ATP8A1: variants seen among roughly 807,000 people sequenced by gnomAD.
ATP8A1 encodes the protein ATPase phospholipid transporting 8A1, also known as phospholipid-transporting ATPase IA.
Under a neutral mutation model 177.7 loss-of-function variants are expected in ATP8A1, and 90 were observed. The observed-to-expected ratio is 0.51, with a 90% CI of 0.43 to 0.60. ATP8A1 has a LOEUF of 0.60. Among genes scored for constraint, ATP8A1 ranks in the 20% least tolerant of loss-of-function variants. The pLI is 0.00. For synonymous variants in ATP8A1, 493 were observed against 485.9 expected (o/e 1.01, Z -0.19); for missense variants, 1,072 against 1,392.8 (o/e 0.77, Z 3.67).
rs1359410225 is a variant in ATP8A1 at position 42,411,154 on chromosome 4, T to C, written c.*1762A>G. The C allele has an allele frequency of 1.3e-5, 2 of 152,204 alleles. No individual in the cohort carries two copies. Among genetic ancestry groups the C allele is most frequent in the East Asian group, 3.8e-4 (2 of 5,202 alleles). The allele number at this position is 152,204 out of a possible 1,614,324, so 9.4% of individuals were successfully genotyped here. ...CAGGAAGGGCTTGGGAAGTAAAGTA[T>C]GTAAACGTGTGTTCCCTTAAGGTTA... On this transcript the variant is annotated 3_prime_UTR_variant, in exon 37 of 37. Transcript: ENST00000381668.
chr4:42,493,523 T>C (rs1202209609), intron 24 of ATP8A1, among the ~76,000 whole-genome samples: 1 of 152,228 alleles, frequency 6.6e-6, no homozygotes, highest in South Asian at 2.1e-4. Context: ...AAAAGTATTA[T>C]GGGTAAATTC....
At chr4:42,421,094 G>A (rs569356574) in intron 35 of ATP8A1, among the ~76,000 whole-genome samples, 35 of 152,086 alleles carry the variant, frequency 2.3e-4, no homozygotes, top group East Asian at 1.7e-3. Context: ...TCTTTTTATC[G>A]CTAGAGAAAG....
chr4:42,464,516 C>CG (rs1719519654), intron 27 of ATP8A1, among the ~76,000 whole-genome samples, 174 bp downstream of exon 27: 2 of 152,138 alleles, frequency 1.3e-5, no homozygotes, highest in African/African-American at 4.8e-5. Context: ...CCGCCTATCT[C>CG]GGCCTCCCAG....
At chr4:42,618,437 C>T (rs35643999) in intron 4 of ATP8A1, among the ~76,000 whole-genome samples, 34,372 of 152,100 alleles carry the variant, frequency 0.23, 4,345 homozygotes, top group Non-Finnish European at 0.29. Flanking sequence ...AACATCTCTC[C>T]GGCAATCTCA....
intron 25 of ATP8A1, 31 bp downstream of exon 25, chr4:42,485,465 C>T (rs376283886): frequency 1.3e-6 from 2 of 1,562,454 alleles, no homozygotes; most frequent in African/African-American, 2.7e-5. Context: ...TCATTCTTTA[C>T]TAAAATCTGA....
rs1171379968 is a variant in ATP8A1, at chr4:42,555,130, TATCTATCTAATCTATCTATC to T, written c.1413+818_1413+837del. On this transcript the variant is annotated intron_variant, in intron 16 of 36. Coordinates refer to ENST00000381668, the MANE Select transcript of ATP8A1 (RefSeq NM_006095.2). ...CTATCTATCTATCTATCTATCTATC[TATCTATCTAATCTATCTATC>T]TATCTATCTATCTATCTATCTATCT... Among the ~76,000 whole-genome samples the T allele has an allele frequency of 2.1e-3, 173 of 82,888 alleles. 2 individuals are homozygous for T. Among genetic ancestry groups the T allele is most frequent in the African/African-American group, 2.7e-3 (51 of 18,792 alleles). The allele number at this position is 82,888 out of a possible 152,430, so 54.4% of individuals were successfully genotyped here.
rs779852825 is a variant in ATP8A1, at chr4:42,503,489, C to G, written c.2112G>C (p.Lys704Asn). 1.5e-5 allele frequency: 24 copies of G among 1,607,960 alleles called. No individual in the cohort carries two copies. The highest frequency in any genetic ancestry group is 2.0e-5 in the Non-Finnish European group (24 of 1,176,262). ...CATTTATAACAATCATTCCCATGTT[C>G]TTCTTCAACAGTTTGCAGGAGTGTC... is the stretch of plus-strand genomic sequence containing the variant. ...NIGHSCKLLKKNMGMIVINEG... is the reference protein window; with the variant it reads ...NIGHSCKLLKNNMGMIVINEG... The change falls in exon 24 of 37, where the codon AAG becomes AAC. Residue 704 changes from lysine to asparagine, a missense_variant. By Grantham distance (94) the Lys-to-Asn change is moderately conservative (BLOSUM62 0). Around this residue, in one of 5 missense-constraint regions of ATP8A1, gnomAD observed 388 missense variants for 471.7 expected, o/e 0.82. Coordinates refer to ENST00000381668, the MANE Select transcript of ATP8A1 (RefSeq NM_006095.2).
chr4:42,650,282 T>G lies in ATP8A1; in HGVS notation c.49+6543A>C, dbSNP rs146612946. Among the ~76,000 whole-genome samples the G allele has an allele frequency of 3.2e-3, 480 of 152,280 alleles. 3 individuals are homozygous for G. The highest frequency in any genetic ancestry group is 0.011 in the African/African-American group (450 of 41,552). On this transcript the variant is annotated intron_variant, in intron 1 of 36. Transcript: ENST00000381668. ...AAGTAAAATGACACCTACTTTGAGA[T>G]TTTCAAATATTGATGACATGCTGTA...
rs11311245 is a variant in ATP8A1, at chr4:42,446,080, C to CAAAAAAAAAAAAAAAAAAAAAAAAAA, written c.2958+502_2958+503insTTTTTTTTTTTTTTTTTTTTTTTTTT. On this transcript the variant is annotated intron_variant, in intron 31 of 36. Coordinates refer to ENST00000381668, the MANE Select transcript of ATP8A1 (RefSeq NM_006095.2). The stretch of plus-strand genomic sequence containing the variant: ...GGGCGACAAGAGTGAAACGCCCTCT[C>CAAAAAAAAAAAAAAAAAAAAAAAAAA]AAAAAAAAAAAAAAAAAAAGAGAAG... Among the ~76,000 whole-genome samples the CAAAAAAAAAAAAAAAAAAAAAAAAAA allele has an allele frequency of 3.1e-4, 20 of 63,870 alleles. 1 individual carries two copies. Among genetic ancestry groups the CAAAAAAAAAAAAAAAAAAAAAAAAAA allele is most frequent in the East Asian group, 1.0e-3 (1 of 988 alleles). The allele number at this position is 63,870 out of a possible 152,430, so 41.9% of individuals were successfully genotyped here. A position where few individuals can be genotyped will look rare whatever the true frequency, so the allele number is the denominator to read the frequency against.
At chr4:42,581,288 C>T (rs757799459) in intron 10 of ATP8A1, among the ~76,000 whole-genome samples, 1 of 152,142 alleles carries the variant, frequency 6.6e-6, no homozygotes, top group Non-Finnish European at 1.5e-5. Context: ...TGTCCACTAC[C>T]ACGCCCGGCT....
chr4:42,616,166 T>A, intron 4 of ATP8A1, 88 bp from the exon 5 acceptor site: 2 of 1,150,430 alleles, frequency 1.7e-6, no homozygotes, highest in Non-Finnish European at 2.5e-6. Flanking sequence ...AAGATTTAGC[T>A]TATGTTTCTC....
rs977156224 is a variant in ATP8A1, at chr4:42,425,516, A to G, written c.3124-1811T>C. Reference sequence around the variant, plus strand: ...TCCAAACCTAAAAGATTTAAAGCCGACATTCGCATTAAAGACAGAGAGTCT... The same window carrying G: ...TCCAAACCTAAAAGATTTAAAGCCGGCATTCGCATTAAAGACAGAGAGTCT... On this transcript the variant is annotated intron_variant, in intron 33 of 36. Coordinates refer to ENST00000381668, the MANE Select transcript of ATP8A1 (RefSeq NM_006095.2). 7.7e-4 allele frequency among the ~76,000 whole-genome samples: 117 copies of G among 152,180 alleles called. 2 individuals carry two copies. The highest frequency in any genetic ancestry group is 3.2e-4 in the Non-Finnish European group (22 of 68,024).
chr4:42,549,187 T>G (rs1729233832), intron 18 of ATP8A1, 125 bp from the exon 19 acceptor site: 1 of 704,624 alleles, frequency 1.4e-6, no homozygotes, highest in Admixed American at 2.9e-5. Context: ...CCTGCTGAAA[T>G]ATGGAAGGGA....
chr4:42,590,996 T>C lies in ATP8A1; in HGVS notation c.451-112A>G. The C allele has an allele frequency of 3.3e-6, 3 of 906,798 alleles. No individual in the cohort carries two copies. The South Asian group carries it at 4.9e-5, about 15-fold the overall frequency. The allele number at this position is 906,798 out of a possible 1,614,324, so 56.2% of individuals were successfully genotyped here. On this transcript the variant is annotated intron_variant, in intron 6 of 36. Transcript: ENST00000381668. ...GAAAGTTCGAAATTATTATAGAAAATAATACATGTTAATAAAAACATCTAA... is the reference window on the plus strand; with the variant it reads ...GAAAGTTCGAAATTATTATAGAAAACAATACATGTTAATAAAAACATCTAA...
At chr4:42,611,295 T>C (rs963610477) in intron 5 of ATP8A1, among the ~76,000 whole-genome samples, 1 of 152,226 alleles carries the variant, frequency 6.6e-6, no homozygotes, top group Non-Finnish European at 1.5e-5. Flanking sequence ...TTTAGCTATG[T>C]GTCTAGTTTA....
intron 5 of ATP8A1, among the ~76,000 whole-genome samples, chr4:42,607,564 C>T (rs1024628540): frequency 1.6e-4 from 24 of 151,940 alleles, no homozygotes; most frequent in Non-Finnish European, 1.5e-4. Flanking sequence ...AGAAACAATG[C>T]CCAGCCTGTG....
At position 42,507,126 on chromosome 4, in the gene ATP8A1, A is replaced by C. The variant is rs761428354; in HGVS notation, c.1976T>G (p.Ile659Ser). 1.2e-6 allele frequency: 2 copies of C among 1,613,912 alleles called. No individual in the cohort carries two copies. The highest frequency in any genetic ancestry group is 1.7e-6 in the Non-Finnish European group (2 of 1,179,908). ...KNLQLLGATAIEDKLQDQVPE... is the reference protein window; with the variant it reads ...KNLQLLGATASEDKLQDQVPE... The stretch of plus-strand genomic sequence containing the variant: ...CACTTGATCTTGTAATTTATCCTCA[A>C]TGGCTGTTGCTCCAAGTAGCTGAAG... Residue 659 changes from isoleucine to serine, a missense_variant, in exon 23 of 37, where the codon ATT becomes AGT. This residue lies in a region of ATP8A1 where 388 missense variants were observed against 471.7 expected (regional missense o/e 0.82). Coordinates refer to ENST00000381668, the MANE Select transcript of ATP8A1 (RefSeq NM_006095.2).
At chr4:42,584,211 C>T (rs1475720386) in intron 9 of ATP8A1, among the ~76,000 whole-genome samples, 2 of 152,080 alleles carry the variant, frequency 1.3e-5, no homozygotes, top group East Asian at 1.9e-4. Flanking sequence ...TTGGCCACTA[C>T]AATGCCTGGG....
At chr4:42,509,744 C>T (rs187741158) in intron 22 of ATP8A1, among the ~76,000 whole-genome samples, 1 of 148,308 alleles carries the variant, frequency 6.7e-6, no homozygotes, top group Non-Finnish European at 1.5e-5. Flanking sequence ...CCCAGCTACT[C>T]GGGAGGCTGA....
Sources: allele counts gnomAD v4.1 joint callset (sites outside exome capture counted in the v4.1 genomes callset), GRCh38; gene constraint gnomAD v4.1.1; regional missense constraint gnomAD v4.1.1; transcripts MANE v1.5; gene names NCBI Gene and HGNC (gene_info 2026-07-23, HGNC 2026-07-21).